PCCA: variants seen among roughly 807,000 people sequenced by gnomAD.
PCCA encodes the protein propionyl-CoA carboxylase subunit alpha, also known as propionyl-CoA carboxylase alpha chain, mitochondrial.
In PCCA, 74 loss-of-function variants were observed where a neutral mutation model predicts 101.3. The ratio of observed to expected loss-of-function variants is 0.73; its 90% CI spans 0.61 to 0.89. The LOEUF is 0.89. Ranked by LOEUF, PCCA falls within the 40% of genes least tolerant of loss-of-function variation. The pLI, the probability that PCCA is intolerant of heterozygous loss-of-function variation, is 0.00. For missense variants in PCCA, 891 were observed against 907.0 expected, an observed-to-expected ratio of 0.98 and a Z score of 0.23; for synonymous variants, 294 against 313.6, an observed-to-expected ratio of 0.94 and a Z score of 0.66.
chr13:100,128,808 C>T (rs998475157), intron 4 of PCCA, among the ~76,000 whole-genome samples: 10 of 152,284 alleles, frequency 6.6e-5, no homozygotes, highest in African/African-American at 2.4e-4. Flanking sequence ...CCATTTTAAT[C>T]TCCTAGTTTT....
chr13:100,413,881 A>G (rs1445659142), intron 19 of PCCA, among the ~76,000 whole-genome samples: 2 of 152,222 alleles, frequency 1.3e-5, no homozygotes, highest in African/African-American at 4.8e-5. Context: ...TTAAGCTGAT[A>G]TAATTTACAG....
intron 9 of PCCA, among the ~76,000 whole-genome samples, chr13:100,259,607 A>T (rs1171670969): frequency 6.6e-6 from 1 of 152,076 alleles, no homozygotes; most frequent in Non-Finnish European, 1.5e-5. Flanking sequence ...TGCTGGGATT[A>T]CAGGCGTGCA....
Position 100,112,786 on chromosome 13 carries a change from G to A in PCCA, c.300+725G>A, listed in dbSNP as rs111786766. On this transcript the variant is annotated intron_variant, in intron 4 of 23. Transcript: ENST00000376285. Reference sequence around the variant, plus strand: ...AGACAGGGTTTCACCAAGTTGGCCAGGCTGGTGTTGAACTCCTGACCTTAG... The same window carrying A: ...AGACAGGGTTTCACCAAGTTGGCCAAGCTGGTGTTGAACTCCTGACCTTAG... 9.2e-3 allele frequency among the ~76,000 whole-genome samples: 1,406 copies of A among 152,116 alleles called. 24 individuals are homozygous for A. Among genetic ancestry groups the A allele is most frequent in the African/African-American group, 0.024 (986 of 41,506 alleles).
chr13:100,265,933 T>C (rs2062907466), intron 10 of PCCA, among the ~76,000 whole-genome samples: 1 of 152,188 alleles, frequency 6.6e-6, no homozygotes, highest in South Asian at 2.1e-4. Flanking sequence ...GAGATGTGCT[T>C]GTTTTTGAGG....
chr13:100,430,264 C>T (rs2079448588), intron 20 of PCCA, among the ~76,000 whole-genome samples: 1 of 151,670 alleles, frequency 6.6e-6, no homozygotes, highest in African/African-American at 2.4e-5. Flanking sequence ...GAAACTCCGT[C>T]TCAAAAACAA....
At chr13:100,477,719 CAAAT>C (rs1268562399) in intron 21 of PCCA, among the ~76,000 whole-genome samples, 1 of 152,146 alleles carries the variant, frequency 6.6e-6, no homozygotes. Flanking sequence ...ATACTATAAA[CAAAT>C]AAAATGATGG....
intron 19 of PCCA, among the ~76,000 whole-genome samples, chr13:100,411,408 A>G (rs913217494): frequency 1.1e-4 from 16 of 152,140 alleles, no homozygotes; most frequent in Non-Finnish European, 7.4e-5. Flanking sequence ...TTTAATAGAG[A>G]CAGGGTTTTG....
intron 18 of PCCA, among the ~76,000 whole-genome samples, chr13:100,346,297 A>G (rs1051551666): frequency 1.3e-5 from 2 of 152,224 alleles, no homozygotes; most frequent in Non-Finnish European, 2.9e-5. Context: ...AATGGGCAAA[A>G]TAAAAGATCA....
intron 19 of PCCA, among the ~76,000 whole-genome samples, chr13:100,409,132 C>T (rs371097787): frequency 6.6e-6 from 1 of 151,844 alleles, no homozygotes; most frequent in African/African-American, 2.4e-5. Context: ...TGGTCCCTCC[C>T]AAAAAAGGAA....
rs554707360 is a variant in PCCA at position 100,417,132 on chromosome 13, C to T, written c.1747-8501C>T. On this transcript the variant is annotated intron_variant, in intron 19 of 23. Coordinates refer to ENST00000376285, the MANE Select transcript of PCCA (RefSeq NM_000282.4). ...TGCTGGGATTACAGGCGTGAGCCAC[C>T]GTGCCCGGCCTGTCATGTGTATTCT... 5.9e-5 allele frequency among the ~76,000 whole-genome samples: 9 copies of T among 152,308 alleles called. No individual in the cohort carries two copies. In the East Asian group the frequency reaches 9.7e-4, roughly 16 times the overall value.
chr13:100,330,040 G>A (rs532567779), intron 16 of PCCA, among the ~76,000 whole-genome samples: 41 of 152,224 alleles, frequency 2.7e-4, no homozygotes, highest in African/African-American at 9.4e-4. Flanking sequence ...TGCCTCATCC[G>A]GCATATTCAC....
chr13:100,310,268 TTATC>T (rs1043470642), intron 16 of PCCA, among the ~76,000 whole-genome samples: 6 of 152,232 alleles, frequency 3.9e-5, no homozygotes, highest in East Asian at 1.9e-4. Context: ...TTATCTATGT[TTATC>T]TATATATGCG....
intron 4 of PCCA, among the ~76,000 whole-genome samples, chr13:100,135,420 A>G (rs1361125723): frequency 6.6e-6 from 1 of 152,032 alleles, no homozygotes; most frequent in Non-Finnish European, 1.5e-5. Context: ...TAGGCCGGTG[A>G]CAGAGTGAGA....
chr13:100,295,829 A>G (rs2065482208), intron 12 of PCCA, among the ~76,000 whole-genome samples: 1 of 152,222 alleles, frequency 6.6e-6, no homozygotes, highest in African/African-American at 2.4e-5. Context: ...ATAATGGCCA[A>G]GTTAACACAC....
At chr13:100,454,010 A>T (rs750492634) in intron 21 of PCCA, among the ~76,000 whole-genome samples, 2 of 151,966 alleles carry the variant, frequency 1.3e-5, no homozygotes, top group African/African-American at 2.4e-5. Context: ...AGCTGGGACT[A>T]CTGGTGCCGG....
chr13:100,305,749 A>G (rs1208944825), intron 14 of PCCA: 2 of 383,716 alleles, frequency 5.2e-6, no homozygotes, highest in South Asian at 4.4e-5. Flanking sequence ...ATTTTTTTCT[A>G]GTTTTTGTCA....
At chr13:100,501,857 G>C (rs990334583) in intron 21 of PCCA, among the ~76,000 whole-genome samples, 1 of 133,206 alleles carries the variant, frequency 7.5e-6, no homozygotes, top group Non-Finnish European at 1.7e-5. Context: ...CTGGGCAACA[G>C]AGGGACACTC....
intron 21 of PCCA, among the ~76,000 whole-genome samples, chr13:100,465,175 A>AC (rs1033724199): frequency 1.3e-4 from 19 of 151,842 alleles, no homozygotes; most frequent in African/African-American, 3.9e-4. Flanking sequence ...AGAAAAGCTG[A>AC]CCCCCCATGT....
intron 7 of PCCA, among the ~76,000 whole-genome samples, chr13:100,230,354 G>A (rs2060394899): frequency 6.6e-6 from 1 of 152,014 alleles, no homozygotes. Flanking sequence ...GATCAGCCTG[G>A]CCAAAAATGG....
Sources: allele counts gnomAD v4.1 joint callset (sites outside exome capture counted in the v4.1 genomes callset), GRCh38; gene constraint gnomAD v4.1.1; transcripts MANE v1.5; gene names NCBI Gene and HGNC (gene_info 2026-07-23, HGNC 2026-07-21).